The following CRLF3 variants were observed in gnomAD, a reference collection of about 807,000 sequenced individuals.
CRLF3 encodes the protein cytokine receptor-like factor 3.
Under a neutral mutation model 55.0 loss-of-function variants are expected in CRLF3, and 33 were observed. That is an observed-to-expected ratio of 0.60 (90% CI 0.46 to 0.80). The LOEUF is 0.80. Ranked by LOEUF, CRLF3 falls within the 30% of genes least tolerant of loss-of-function variation. CRLF3 has a pLI of 0.00. For synonymous variants in CRLF3, 238 were observed against 196.8 expected (o/e 1.21, Z -1.75); for missense variants, 494 against 538.4 (o/e 0.92, Z 0.82).
At chr17:30,824,386 G>T in intron 1 of CRLF3, 137 bp downstream of exon 1, 1 of 812,852 alleles carries the variant, frequency 1.2e-6, no homozygotes, top group Non-Finnish European at 1.7e-6. Flanking sequence ...GACTCCATTA[G>T]GTCTCCTTTC....
At chr17:30,793,782 T>G (rs899376185) in intron 4 of CRLF3, 110 bp from the exon 5 acceptor site, 3 of 658,106 alleles carry the variant, frequency 4.6e-6, no homozygotes, top group Non-Finnish European at 8.0e-6. Context: ...CAGGCCCACA[T>G]GCTGAATATG....
chr17:30,788,357 AGAAG>A (rs765984569), intron 6 of CRLF3, among the ~76,000 whole-genome samples: 523 of 147,358 alleles, frequency 3.5e-3, no homozygotes, highest in South Asian at 8.1e-3. Context: ...AAGAAAAGAA[AGAAG>A]GAAACCTTAA....
chr17:30,784,338 C>G lies in CRLF3; in HGVS notation c.1178G>C (p.Ser393Thr). ...CTTGAAGTGTCCACCTTCATTATTA[C>G]TGGTGGTTCCTAGAGTCACGGCTTC... Reference protein sequence around the residue: ...DIEAVTLGTTSNNEGGHFKLR... With the variant: ...DIEAVTLGTTTNNEGGHFKLR... Residue 393 changes from serine to threonine, a missense_variant, in exon 8 of 8, where the codon AGT (serine) becomes ACT (threonine). Ser to Thr is a moderately conservative substitution (Grantham distance 58). Transcript: ENST00000324238. 6.2e-7 allele frequency: 1 copy of G among 1,614,142 alleles called. No homozygotes were observed. Among genetic ancestry groups the G allele is most frequent in the South Asian group, 1.1e-5 (1 of 91,080 alleles).
rs1971547366 is a variant in CRLF3, at chr17:30,783,419, C to G, written c.*768G>C. ...AACACCTGAGGTCAGGAGTTCAAGA[C>G]CAGCCTGGCCAACATGGTGAAACCC... is the stretch of plus-strand genomic sequence containing the variant. On this transcript the variant is annotated 3_prime_UTR_variant, in exon 8 of 8. Transcript: ENST00000324238. 1 of 152,200 alleles carries G rather than the reference C, an allele frequency of 6.6e-6. No homozygotes were observed. Among genetic ancestry groups the G allele is most frequent in the African/African-American group, 2.4e-5 (1 of 41,430 alleles). The allele number at this position is 152,200 out of a possible 1,614,324, so 9.4% of individuals were successfully genotyped here.
intron 1 of CRLF3, among the ~76,000 whole-genome samples, chr17:30,820,523 A>G (rs1904959076): frequency 6.6e-6 from 1 of 152,106 alleles, no homozygotes; most frequent in South Asian, 2.1e-4. Context: ...TGGCTCACCC[A>G]GGCACGGTGG....
chr17:30,784,721 G>C (rs1335190370), intron 7 of CRLF3: 4 of 290,656 alleles, frequency 1.4e-5, no homozygotes, highest in Non-Finnish European at 1.9e-5. Context: ...AAACAAGAAA[G>C]AATCTTGTTC....
chr17:30,823,360 G>A (rs1212958693), intron 1 of CRLF3, among the ~76,000 whole-genome samples: 1 of 151,024 alleles, frequency 6.6e-6, no homozygotes, highest in Non-Finnish European at 1.5e-5. Context: ...GCCAGACTCC[G>A]TCTCAAAAAA....
At chr17:30,790,867 C>T (rs1453006721) in intron 6 of CRLF3, 5 of 152,114 alleles carry the variant, frequency 3.3e-5, no homozygotes, top group Admixed American at 6.6e-5. Context: ...CTGCCCACCT[C>T]GGCCTCCCAA....
chr17:30,792,334 TA>T, intron 6 of CRLF3, 105 bp downstream of exon 6: 2 of 1,079,408 alleles, frequency 1.9e-6, no homozygotes, highest in Non-Finnish European at 2.7e-6. Flanking sequence ...ACACTGCCTA[TA>T]AATGACGGAA....
chr17:30,823,562 A>G (rs558077679), intron 1 of CRLF3, among the ~76,000 whole-genome samples: 46 of 151,290 alleles, frequency 3.0e-4, no homozygotes, highest in South Asian at 1.9e-3. Context: ...ATCAAGTATG[A>G]CCCAGAGAAA....
intron 1 of CRLF3, among the ~76,000 whole-genome samples, chr17:30,815,838 C>G (rs1904783678): frequency 6.6e-6 from 1 of 151,398 alleles, no homozygotes; most frequent in South Asian, 2.1e-4. Context: ...GCCACTGAGC[C>G]CGGCCAGAAT....
intron 2 of CRLF3, among the ~76,000 whole-genome samples, chr17:30,801,718 T>C (rs1014784474): frequency 6.6e-6 from 1 of 152,072 alleles, no homozygotes; most frequent in African/African-American, 2.4e-5. Flanking sequence ...GGTGTTAGCC[T>C]GGCCTCGGCC....
In CRLF3 at chr17:30,797,375, C is replaced by T. The variant is rs1490345090; in HGVS notation, c.361G>A (p.Val121Met). Residue 121 changes from valine (V) to methionine (M), a missense_variant, in exon 3 of 8, where the codon GTG (valine) becomes ATG (methionine). Val to Met is a conservative substitution (Grantham distance 21, BLOSUM62 1). Transcript: ENST00000324238. ...CACAGTTTCTCATTCTCTTCTCCCACACCACCAAGCATGGCGATTTCACCT... is the reference window on the plus strand; with the variant it reads ...CACAGTTTCTCATTCTCTTCTCCCATACCACCAAGCATGGCGATTTCACCT... ...REGEIAMLGG[V>M]GEENEKLWSF... The T allele has an allele frequency of 3.7e-6, 6 of 1,613,840 alleles. No homozygotes were observed. The highest frequency in any genetic ancestry group is 2.7e-5 in the African/African-American group (2 of 75,034).
rs539269633 is a variant in CRLF3, at chr17:30,796,224, C to T, written c.539G>A (p.Arg180His). 1.9e-4 allele frequency: 312 copies of T among 1,613,774 alleles called. 4 individuals carry two copies. In the South Asian group the frequency reaches 2.9e-3, roughly 15 times the overall value. ...TAGTTCTTCTATCTGTACTGGTGGG[C>T]GAGATGCTACTGTTCCATGCTTAAA... The part of the protein sequence containing the change: ...HIFKHGTVAS[R>H]PPVQIEELIE... Residue 180 changes from arginine (R) to histidine (H), a missense_variant, in exon 4 of 8, where the codon CGC (arginine) becomes CAC (histidine). Coordinates refer to ENST00000324238, the MANE Select transcript of CRLF3 (RefSeq NM_015986.4).
At chr17:30,813,921 A>T (rs1904704681) in intron 1 of CRLF3, among the ~76,000 whole-genome samples, 1 of 152,198 alleles carries the variant, frequency 6.6e-6, no homozygotes, top group South Asian at 2.1e-4. Flanking sequence ...AACAACTAAA[A>T]TAGCTGCAAA....
chr17:30,804,231 T>G (rs963457298), intron 1 of CRLF3, 123 bp from the exon 2 acceptor site: 15 of 662,202 alleles, frequency 2.3e-5, no homozygotes, highest in Non-Finnish European at 3.1e-5. Flanking sequence ...AAAAAAAGAT[T>G]AACTGAAATT....
intron 2 of CRLF3, among the ~76,000 whole-genome samples, chr17:30,802,589 C>A (rs1173578231): frequency 1.3e-5 from 2 of 151,812 alleles, no homozygotes; most frequent in Non-Finnish European, 1.5e-5. Flanking sequence ...TGCCACCATG[C>A]CCAGCTAAGT....
chr17:30,806,612 A>C (rs190304665), intron 1 of CRLF3, among the ~76,000 whole-genome samples: 1 of 152,282 alleles, frequency 6.6e-6, no homozygotes, highest in East Asian at 1.9e-4. Context: ...TTCATGTCAA[A>C]TATATTATGA....
At chr17:30,792,343 G>T in intron 6 of CRLF3, 97 bp downstream of exon 6, 1 of 1,179,308 alleles carries the variant, frequency 8.5e-7, no homozygotes, top group Non-Finnish European at 1.2e-6. Context: ...ATAAATGACG[G>T]AATAAACTCA....
Sources: gnomAD v4.1 joint callset for allele counts (sites outside exome capture counted in the v4.1 genomes callset) on GRCh38, gnomAD v4.1.1 for gene constraint, MANE v1.5 for transcripts, NCBI Gene and HGNC (gene_info 2026-07-23, HGNC 2026-07-21) for gene names.